ATP11A: variants seen among roughly 807,000 people sequenced by gnomAD.
The protein encoded by ATP11A is phospholipid-transporting ATPase IH.
In ATP11A, 81 loss-of-function variants were observed where a neutral mutation model predicts 154.4. The ratio of observed to expected loss-of-function variants is 0.52; its 90% confidence interval spans 0.44 to 0.63. The LOEUF (loss-of-function observed/expected upper bound fraction) is 0.63, where lower values mean the gene tolerates loss of function less well. Ranked by LOEUF, ATP11A falls within the 30% of genes least tolerant of loss-of-function variation. ATP11A has a pLI of 0.00. For missense variants in ATP11A, 1,316 were observed against 1,474.3 expected (o/e 0.89, Z 1.76); for synonymous variants, 623 against 585.9 (o/e 1.06, Z -0.91).
intron 1 of ATP11A, among the ~76,000 whole-genome samples, chr13:112,730,968 C>G (rs1447920438): frequency 1.3e-5 from 2 of 152,114 alleles, no homozygotes; most frequent in Non-Finnish European, 2.9e-5. Flanking sequence ...CGGAGTCTTG[C>G]TAAGTTACCC....
intron 12 of ATP11A, among the ~76,000 whole-genome samples, chr13:112,830,801 T>C (rs2079063523): frequency 6.6e-6 from 1 of 152,224 alleles, no homozygotes; most frequent in Non-Finnish European, 1.5e-5. Context: ...CCCATGAGCT[T>C]ATCTAAAATC....
At chr13:112,836,404 A>T (rs576911588) in intron 16 of ATP11A, among the ~76,000 whole-genome samples, 153 bp downstream of exon 16, 1 of 152,152 alleles carries the variant, frequency 6.6e-6, no homozygotes, top group South Asian at 2.1e-4. Context: ...CAAAATACTA[A>T]TTTTTTATTT....
chr13:112,744,360 G>A (rs1260632771), intron 1 of ATP11A, among the ~76,000 whole-genome samples: 1 of 151,488 alleles, frequency 6.6e-6, no homozygotes, highest in Non-Finnish European at 1.5e-5. Context: ...CCCGGCACCC[G>A]GCTTCGGATG....
At position 112,702,666 on chromosome 13, in the gene ATP11A, A is replaced by G. The variant is rs149814961; in HGVS notation, c.39+12211A>G. On this transcript the variant is annotated intron_variant, in intron 1 of 29. Coordinates refer to ENST00000375645, the MANE Select transcript of ATP11A (RefSeq NM_015205.3). Reference sequence around the variant, plus strand: ...TCAGGGCTTTCTTCGTTCTGCTGATATCTATCCCCTCTCAGGACCACTCGG... The same window carrying G: ...TCAGGGCTTTCTTCGTTCTGCTGATGTCTATCCCCTCTCAGGACCACTCGG... Among the ~76,000 whole-genome samples, 213 of 152,316 alleles carry G rather than the reference A, an allele frequency of 1.4e-3. No individual in the cohort carries two copies. In the South Asian group the frequency reaches 0.019, roughly 14 times the overall value.
chr13:112,739,317 TGGTGTTTTACCAAGGA>T (rs1268814469), intron 1 of ATP11A, among the ~76,000 whole-genome samples: 6 of 152,222 alleles, frequency 3.9e-5, no homozygotes, highest in Non-Finnish European at 8.8e-5. Context: ...AGATTTTAAT[TGGTGTTTTACCAAGGA>T]GGAATACAAA....
intron 17 of ATP11A, among the ~76,000 whole-genome samples, chr13:112,845,314 G>A (rs139321310): frequency 8.4e-6 from 1 of 119,102 alleles, no homozygotes; most frequent in Admixed American, 8.2e-5. Flanking sequence ...GTTCTAACCA[G>A]TCCAGTTGCC....
intron 1 of ATP11A, among the ~76,000 whole-genome samples, chr13:112,726,349 G>A (rs1889890863): frequency 2.6e-5 from 4 of 151,570 alleles, no homozygotes; most frequent in Admixed American, 2.6e-4. Flanking sequence ...GGCACTGCAT[G>A]CGTGCAGGGA....
intron 18 of ATP11A, 22 bp from the exon 19 acceptor site, chr13:112,854,257 T>C (rs776072347): frequency 3.7e-6 from 6 of 1,612,084 alleles, no homozygotes; most frequent in East Asian, 2.2e-5. Context: ...CTCTATGCTG[T>C]GTTTGGTTTT....
chr13:112,761,776 C>T (rs965886703), intron 1 of ATP11A, among the ~76,000 whole-genome samples: 1 of 152,196 alleles, frequency 6.6e-6, no homozygotes, highest in African/African-American at 2.4e-5. Flanking sequence ...CCATTGCACA[C>T]CTTAGTCTGT....
intron 7 of ATP11A, 56 bp downstream of exon 7, chr13:112,819,463 C>G (rs1482791994): frequency 6.7e-7 from 1 of 1,491,696 alleles, no homozygotes; most frequent in Admixed American, 1.7e-5. Context: ...CAACATTGCT[C>G]TTGCTTTTTC....
At chr13:112,848,981 C>A (rs1317828735) in intron 17 of ATP11A, among the ~76,000 whole-genome samples, 2 of 152,212 alleles carry the variant, frequency 1.3e-5, no homozygotes, top group African/African-American at 2.4e-5. Context: ...AGCCATCATG[C>A]CTTGCTGGTT....
At chr13:112,759,483 A>C (rs2076917618) in intron 1 of ATP11A, among the ~76,000 whole-genome samples, 1 of 152,216 alleles carries the variant, frequency 6.6e-6, no homozygotes, top group African/African-American at 2.4e-5. Context: ...TTTTAACCTG[A>C]GCGATGTAAC....
At chr13:112,812,625 A>G (rs1208978382) in intron 5 of ATP11A, among the ~76,000 whole-genome samples, 1 of 152,216 alleles carries the variant, frequency 6.6e-6, no homozygotes, top group Non-Finnish European at 1.5e-5. Context: ...AGGAGCCAGC[A>G]TCAACCACTA....
intron 1 of ATP11A, among the ~76,000 whole-genome samples, chr13:112,771,413 G>A (rs1033720396): frequency 1.1e-4 from 17 of 152,250 alleles, no homozygotes; most frequent in African/African-American, 3.9e-4. Context: ...ATTTGCGCTG[G>A]TGGGAGGAGT....
At chr13:112,788,915 G>A (rs1276378117) in intron 2 of ATP11A, among the ~76,000 whole-genome samples, 3 of 151,602 alleles carry the variant, frequency 2.0e-5, no homozygotes, top group Non-Finnish European at 1.5e-5. Context: ...CACACCAGGA[G>A]TCCTGATATG....
chr13:112,806,845 C>T (rs1319795797), intron 4 of ATP11A, among the ~76,000 whole-genome samples: 1 of 152,190 alleles, frequency 6.6e-6, no homozygotes, highest in Non-Finnish European at 1.5e-5. Flanking sequence ...GTTTCTGTCA[C>T]CGTAGAGTCG....
At chr13:112,845,011 C>T (rs1394948129) in intron 17 of ATP11A, among the ~76,000 whole-genome samples, 9 of 150,998 alleles carry the variant, frequency 6.0e-5, no homozygotes, top group Admixed American at 2.6e-4. Flanking sequence ...AGTTGCCAGC[C>T]GCTAGCAGTA....
intron 1 of ATP11A, among the ~76,000 whole-genome samples, chr13:112,779,133 GGAGT>G (rs1302065934): frequency 8.2e-5 from 10 of 122,446 alleles, no homozygotes; most frequent in Non-Finnish European, 1.2e-4. Context: ...AGTAGCCGCT[GGAGT>G]GAGTAGCCGC....
intron 5 of ATP11A, among the ~76,000 whole-genome samples, chr13:112,812,815 C>G (rs2078538442): frequency 6.6e-6 from 1 of 152,240 alleles, no homozygotes; most frequent in Non-Finnish European, 1.5e-5. Context: ...GTCGGGGGTT[C>G]AGAGAGCAGA....
Sources: gnomAD v4.1 joint callset for allele counts (sites outside exome capture counted in the v4.1 genomes callset) on GRCh38, gnomAD v4.1.1 for gene constraint, MANE v1.5 for transcripts, NCBI Gene and HGNC (gene_info 2026-07-23, HGNC 2026-07-21) for gene names.